The following WDR47 variants were observed in gnomAD, a reference collection of about 807,000 sequenced individuals.
The protein encoded by WDR47 is WD repeat domain 47, also known as WD repeat-containing protein 47.
WDR47 carries 32 observed loss-of-function variants against 97.2 expected under a neutral mutation model. The observed-to-expected ratio is 0.33, with a 90% CI of 0.25 to 0.44. WDR47 has a LOEUF of 0.44. Ranked by LOEUF, WDR47 falls within the 20% of genes least tolerant of loss-of-function variation. WDR47 has a pLI of 1.00. For synonymous variants in WDR47, 375 were observed against 373.5 expected (o/e 1.00, Z -0.05); for missense variants, 782 against 1,102.3 (o/e 0.71, Z 4.11).
Position 109,026,916 on chromosome 1 carries a change from T to A in WDR47, c.-9-3395A>T, listed in dbSNP as rs562946504. Among the ~76,000 whole-genome samples the A allele has an allele frequency of 4.6e-4, 70 of 152,228 alleles. 1 individual carries two copies. The highest frequency in any genetic ancestry group is 7.2e-4 in the Non-Finnish European group (49 of 68,010). On this transcript the variant is annotated intron_variant, in intron 1 of 14. Coordinates refer to ENST00000369962, the MANE Select transcript of WDR47 (RefSeq NM_001142551.2). ...ACAAATACATATTTTATACTGACAG[T>A]TGAAGGTAACAGAAAATATGTCCTA... is the stretch of plus-strand genomic sequence containing the variant.
chr1:109,011,493 C>T lies in WDR47; in HGVS notation c.553G>A (p.Ala185Thr), dbSNP rs772272431. 1 of 1,614,200 alleles carries T rather than the reference C, an allele frequency of 6.2e-7. No homozygotes were observed. Among genetic ancestry groups the T allele is most frequent in the East Asian group, 2.2e-5 (1 of 44,880 alleles). Residue 185 changes from alanine to threonine, a missense_variant, in exon 5 of 15, where the codon GCT becomes ACT. This residue lies in a region of WDR47 where 428 missense variants were observed against 584.3 expected (regional missense o/e 0.73). Coordinates refer to ENST00000369962, the MANE Select transcript of WDR47 (RefSeq NM_001142551.2). ...FIPADRKLSE[A>T]GFKASNNRLF... ...CGATTGTTACTAGCCTTAAAACCAG[C>T]TTCACTTAGCTTCCTATCAGCAGGG...
intron 7 of WDR47, among the ~76,000 whole-genome samples, chr1:108,997,005 A>G (rs999810540): frequency 6.6e-6 from 1 of 151,984 alleles, no homozygotes. Context: ...AATCCCAGCT[A>G]CTTGGGAGGC....
intron 9 of WDR47, among the ~76,000 whole-genome samples, chr1:108,990,021 T>A (rs556052581): frequency 6.6e-6 from 1 of 152,194 alleles, no homozygotes; most frequent in Non-Finnish European, 1.5e-5. Flanking sequence ...TTTGTTGTCA[T>A]TTAAAAAACT....
At chr1:108,975,567 G>A (rs1346913112) in intron 13 of WDR47, among the ~76,000 whole-genome samples, 3 of 151,668 alleles carry the variant, frequency 2.0e-5, no homozygotes, top group East Asian at 3.9e-4. Flanking sequence ...GTTGCAGTGA[G>A]CTGAGATTGC....
intron 1 of WDR47, among the ~76,000 whole-genome samples, chr1:109,037,810 G>A (rs1571271108): frequency 6.6e-6 from 1 of 151,922 alleles, no homozygotes; most frequent in South Asian, 2.1e-4. Flanking sequence ...ATTATAAATA[G>A]TATAAAATTT....
rs550020354 is a variant in WDR47, at chr1:108,983,959, T to C, written c.1926-508A>G. ...AGTAAGGCAAGTATAAGTTGTTACA[T>C]AGTCCAGTATAAAGCACTGGGCCTT... On this transcript the variant is annotated intron_variant, in intron 10 of 14. Coordinates refer to ENST00000369962, the MANE Select transcript of WDR47 (RefSeq NM_001142551.2). Among the ~76,000 whole-genome samples, 9 of 152,332 alleles carry C rather than the reference T, an allele frequency of 5.9e-5. No individual in the cohort carries two copies. The East Asian group carries it at 9.6e-4, about 16-fold the overall frequency.
chr1:109,037,204 C>A (rs1356086212), intron 1 of WDR47, among the ~76,000 whole-genome samples: 1 of 151,910 alleles, frequency 6.6e-6, no homozygotes. Flanking sequence ...TGGCACATGC[C>A]GGTAATCCCA....
In WDR47 at chr1:109,002,398, C is replaced by T. The variant is rs1224193722; in HGVS notation, c.1259G>A (p.Arg420Gln). Residue 420 changes from arginine to glutamine, a missense_variant, in exon 7 of 15, where the codon CGA becomes CAA. Around this residue, in one of 3 missense-constraint regions of WDR47, gnomAD observed 428 missense variants for 584.3 expected, o/e 0.73. Coordinates refer to ENST00000369962, the MANE Select transcript of WDR47 (RefSeq NM_001142551.2). ...GPAKQEKNEL[R>Q]DSTEQFQEYY... ...TTCTTGAAATTGTTCTGTTGAATCT[C>T]GAAGCTTAAAAACATTAGAAAAAAA... is the stretch of plus-strand genomic sequence containing the variant. 3.8e-6 allele frequency: 6 copies of T among 1,594,136 alleles called. No homozygotes were observed. Among genetic ancestry groups the T allele is most frequent in the South Asian group, 2.3e-5 (2 of 86,970 alleles).
chr1:109,008,652 G>A lies in WDR47; in HGVS notation c.1130+2264C>T, dbSNP rs887287221. 1.3e-5 allele frequency among the ~76,000 whole-genome samples: 2 copies of A among 152,004 alleles called. 1 individual carries two copies. On this transcript the variant is annotated intron_variant, in intron 5 of 14. Coordinates refer to ENST00000369962, the MANE Select transcript of WDR47 (RefSeq NM_001142551.2). ...AGACGGAATCTCACTCTGTTGCCCAGGCTGGAGTGCAGTGGTGCGATCTAG... is the reference window on the plus strand; with the variant it reads ...AGACGGAATCTCACTCTGTTGCCCAAGCTGGAGTGCAGTGGTGCGATCTAG...
intron 1 of WDR47, among the ~76,000 whole-genome samples, chr1:109,035,537 G>C (rs1215093147): frequency 1.4e-5 from 2 of 141,912 alleles, no homozygotes; most frequent in Non-Finnish European, 3.0e-5. Flanking sequence ...TTACTCTGTC[G>C]CCCAGGCTGG....
At chr1:108,992,525 C>A in intron 8 of WDR47, 5 of 1,502,012 alleles carry the variant, frequency 3.3e-6, no homozygotes, top group South Asian at 1.1e-5. Flanking sequence ...GACACAAGGT[C>A]GGTGGCCCAA....
chr1:109,024,680 T>G (rs1196958808), intron 1 of WDR47, among the ~76,000 whole-genome samples: 2 of 152,182 alleles, frequency 1.3e-5, no homozygotes, highest in South Asian at 2.1e-4. Context: ...TGGCCTAAAC[T>G]GTTACAGTTT....
intron 14 of WDR47, among the ~76,000 whole-genome samples, chr1:108,971,788 C>CCT (rs139269353): frequency 2.0e-4 from 30 of 148,544 alleles, no homozygotes; most frequent in African/African-American, 5.4e-4. Context: ...TGACAAGTTG[C>CCT]CTCTCTCTCT....
intron 1 of WDR47, among the ~76,000 whole-genome samples, chr1:109,026,859 T>C (rs1324452226): frequency 6.6e-6 from 1 of 152,222 alleles, no homozygotes; most frequent in Admixed American, 6.5e-5. Context: ...CAGTCATTTT[T>C]GGTTAATAAA....
intron 7 of WDR47, among the ~76,000 whole-genome samples, chr1:109,000,326 T>C (rs995761732): frequency 2.7e-5 from 4 of 150,940 alleles, no homozygotes; most frequent in African/African-American, 9.8e-5. Flanking sequence ...CTGACCAACA[T>C]GGTGAAATCC....
intron 14 of WDR47, among the ~76,000 whole-genome samples, chr1:108,972,386 A>C: frequency 6.6e-6 from 1 of 151,500 alleles, no homozygotes. Flanking sequence ...CTTACAATCT[A>C]CTCTCCCTAC....
At chr1:108,990,372 C>A (rs1213704271) in intron 9 of WDR47, among the ~76,000 whole-genome samples, 2 of 151,854 alleles carry the variant, frequency 1.3e-5, no homozygotes, top group African/African-American at 4.8e-5. Context: ...CTATGCCTGG[C>A]TAATTTTTGT....
intron 1 of WDR47, among the ~76,000 whole-genome samples, chr1:109,030,757 TAA>T (rs35274764): frequency 0.023 from 2,559 of 113,152 alleles, 295 homozygotes; most frequent in African/African-American, 0.057. Flanking sequence ...TCTTTTCCTT[TAA>T]AAAAAAAAAA....
In WDR47 at chr1:108,983,285, T is replaced by C. The variant is rs1447179523; in HGVS notation, c.2092A>G (p.Thr698Ala). ...LPFNAETCNA[T>A]GPDLEFSMHD... The stretch of plus-strand genomic sequence containing the variant: ...TGCTTACATACTTGGGCCCTACCTG[T>C]TGCGTTACAAGTCTCTGCATTGAAG... The change falls in exon 11 of 15, where the codon ACA becomes GCA. Residue 698 changes from threonine to alanine, a missense_variant. Coordinates refer to ENST00000369962, the MANE Select transcript of WDR47 (RefSeq NM_001142551.2). 1 of 1,604,370 alleles carries C rather than the reference T, an allele frequency of 6.2e-7. No homozygotes were observed. The highest frequency in any genetic ancestry group is 1.3e-5 in the African/African-American group (1 of 74,430).
Sources: allele counts gnomAD v4.1 joint callset (sites outside exome capture counted in the v4.1 genomes callset), GRCh38; gene constraint gnomAD v4.1.1; regional missense constraint gnomAD v4.1.1; transcripts MANE v1.5; gene names NCBI Gene and HGNC (gene_info 2026-07-23, HGNC 2026-07-21).